Variants in TOP2B observed in about 807,000 individuals in gnomAD.
TOP2B encodes the protein DNA topoisomerase II beta.
TOP2B carries 51 observed loss-of-function variants against 193.5 expected under a neutral mutation model. That is an observed-to-expected ratio of 0.26 (90% CI 0.21 to 0.33). The LOEUF is 0.33. TOP2B is among the 10% of genes least tolerant of loss of function. TOP2B has a pLI of 1.00. For synonymous variants in TOP2B, 634 were observed against 635.7 expected, an observed-to-expected ratio of 1.00 and a Z score of 0.04; for missense variants, 1,378 against 1,909.3, an observed-to-expected ratio of 0.72 and a Z score of 5.19.
chr3:25,643,647 T>G (rs763615531), intron 3 of TOP2B, 47 bp downstream of exon 3: 2 of 1,386,014 alleles, frequency 1.4e-6, no homozygotes, highest in East Asian at 2.3e-5. Flanking sequence ...AAGGACACTA[T>G]GATGATATTA....
intron 5 of TOP2B, among the ~76,000 whole-genome samples, chr3:25,637,648 A>G (rs745821930): frequency 2.6e-4 from 40 of 152,116 alleles, no homozygotes; most frequent in Non-Finnish European, 5.0e-4. Context: ...TCTCTATTAC[A>G]AAATTTTAAT....
chr3:25,640,254 A>G (rs1285142718), intron 4 of TOP2B, among the ~76,000 whole-genome samples: 1 of 152,202 alleles, frequency 6.6e-6, no homozygotes, highest in East Asian at 1.9e-4. Context: ...TACAATATAC[A>G]AATCAGCAAC....
At chr3:25,611,476 A>G (rs1702368143) in intron 28 of TOP2B, among the ~76,000 whole-genome samples, 1 of 152,190 alleles carries the variant, frequency 6.6e-6, no homozygotes, top group African/African-American at 2.4e-5. Context: ...TCATTTTCCA[A>G]GCTCTAGTAA....
chr3:25,621,806 C>G (rs1401630543), intron 21 of TOP2B, among the ~76,000 whole-genome samples: 2 of 151,906 alleles, frequency 1.3e-5, no homozygotes, highest in Non-Finnish European at 2.9e-5. Flanking sequence ...CTGGCCAACA[C>G]AGTGAAACCC....
intron 23 of TOP2B, 95 bp from the exon 24 acceptor site, chr3:25,618,944 T>G: frequency 5.4e-6 from 5 of 931,006 alleles, no homozygotes; most frequent in Non-Finnish European, 7.7e-6. Flanking sequence ...CCATAATATA[T>G]AACCATAATG....
chr3:25,645,926 A>ATTT (rs756446533), intron 1 of TOP2B, among the ~76,000 whole-genome samples: 3,317 of 140,464 alleles, frequency 0.024, 106 homozygotes, highest in African/African-American at 0.08. Context: ...TGCCCAGGTA[A>ATTT]TTTTTTTTTT....
intron 33 of TOP2B, among the ~76,000 whole-genome samples, chr3:25,602,451 T>C (rs1397362058): frequency 6.8e-6 from 1 of 146,198 alleles, no homozygotes; most frequent in Non-Finnish European, 1.5e-5. Flanking sequence ...TTTTTGTAAT[T>C]AAGAAAACCT....
chr3:25,650,757 G>C (rs907811602), intron 1 of TOP2B, among the ~76,000 whole-genome samples: 1 of 152,146 alleles, frequency 6.6e-6, no homozygotes, highest in African/African-American at 2.4e-5. Context: ...TGCTGCTGCA[G>C]GCTTCATCTT....
Position 25,627,282 on chromosome 3 carries a change from T to A in TOP2B, c.1921A>T (p.Thr641Ser). 1 of 1,599,350 alleles carries A rather than the reference T, an allele frequency of 6.3e-7. No homozygotes were observed. The highest frequency in any genetic ancestry group is 8.5e-7 in the Non-Finnish European group (1 of 1,173,566). ...IKYYKGLGTS[T>S]AKEAKEYFAD... ...AAATATTCCTTTGCTTCTTTAGCTG[T>A]ACTAGTACCCAATCCTGCACAATTT... is the stretch of plus-strand genomic sequence containing the variant. Residue 641 changes from threonine to serine, a missense_variant, in exon 16 of 36, where the codon ACA becomes TCA. Physicochemically the swap from Thr to Ser is moderately conservative, Grantham distance 58. This residue lies in a region of TOP2B where 379 missense variants were observed against 615.1 expected (regional missense o/e 0.62). Transcript: ENST00000264331.
chr3:25,657,593 GATGT>G (rs1198619590), intron 1 of TOP2B, among the ~76,000 whole-genome samples: 1 of 152,172 alleles, frequency 6.6e-6, no homozygotes, highest in Non-Finnish European at 1.5e-5. Flanking sequence ...AAAAGAGAGT[GATGT>G]ATATCTGACA....
At chr3:25,617,425 C>G (rs1374897064) in intron 25 of TOP2B, among the ~76,000 whole-genome samples, 2 of 152,052 alleles carry the variant, frequency 1.3e-5, no homozygotes, top group Non-Finnish European at 1.5e-5. Context: ...TATGTAATTG[C>G]TATTCTATAT....
At chr3:25,605,471 G>C (rs1022425314) in intron 32 of TOP2B, among the ~76,000 whole-genome samples, 14 of 152,056 alleles carry the variant, frequency 9.2e-5, no homozygotes, top group Non-Finnish European at 2.1e-4. Flanking sequence ...TGTCAAAAAT[G>C]AGTACGTATA....
In TOP2B at chr3:25,620,718, T is replaced by C. The variant is rs1388486130; in HGVS notation, c.2826A>G (p.Val942=). 5.0e-6 allele frequency: 8 copies of C among 1,613,066 alleles called. No homozygotes were observed. Among genetic ancestry groups the C allele is most frequent in the South Asian group, 4.4e-5 (4 of 90,874 alleles). Reference sequence around the variant, plus strand: ...TTCTAACTGGAAGCTCTGTAATTTCTACTGTGTTTCTGTCCACTACAAATA... The same window carrying C: ...TTCTAACTGGAAGCTCTGTAATTTCCACTGTGTTTCTGTCCACTACAAATA... The part of the protein sequence containing the change: ...GEIFVVDRNT[V]EITELPVRTW... Residue 942 remains valine (V), a synonymous_variant, in exon 22 of 36, where the codon GTA becomes GTG. Coordinates refer to ENST00000264331, the MANE Select transcript of TOP2B (RefSeq NM_001330700.2).
chr3:25,602,012 A>T (rs17016872), intron 33 of TOP2B, among the ~76,000 whole-genome samples: 2,657 of 152,284 alleles, frequency 0.017, 72 homozygotes, highest in African/African-American at 0.06. Flanking sequence ...AAAATCCTAG[A>T]TAAGTAGACA....
chr3:25,622,066 T>C (rs1702670838), intron 21 of TOP2B, among the ~76,000 whole-genome samples: 1 of 152,046 alleles, frequency 6.6e-6, no homozygotes, highest in Non-Finnish European at 1.5e-5. Flanking sequence ...CAACTATCAA[T>C]ATCGTTTGTC....
Position 25,630,400 on chromosome 3 carries a change from G to C in TOP2B, c.1475C>G (p.Ser492Cys). The stretch of plus-strand genomic sequence containing the variant: ...GTCTCGTCCAATCACACCTAATCCA[G>C]ACACAGCCAGTGATTTGGCAGAGTC... ...EGDSAKSLAV[S>C]GLGVIGRDRY... Residue 492 changes from serine (S) to cysteine (C), a missense_variant, in exon 12 of 36, where the codon TCT becomes TGT. By Grantham distance (112) the Ser-to-Cys change is moderately radical (BLOSUM62 -1). Coordinates refer to ENST00000264331, the MANE Select transcript of TOP2B (RefSeq NM_001330700.2). 6.4e-7 allele frequency: 1 copy of C among 1,551,974 alleles called. No individual in the cohort carries two copies. The highest frequency in any genetic ancestry group is 8.7e-7 in the Non-Finnish European group (1 of 1,147,024).
intron 1 of TOP2B, among the ~76,000 whole-genome samples, chr3:25,659,856 A>T (rs1431258494): frequency 1.3e-5 from 2 of 152,208 alleles, no homozygotes; most frequent in African/African-American, 4.8e-5. Flanking sequence ...TGTTAAGAAC[A>T]CTGAGTCTGG....
intron 1 of TOP2B, among the ~76,000 whole-genome samples, chr3:25,648,044 A>G (rs1703461166): frequency 6.6e-6 from 1 of 152,188 alleles, no homozygotes; most frequent in African/African-American, 2.4e-5. Context: ...CAAGACAACA[A>G]CAACTTCCAC....
intron 6 of TOP2B, among the ~76,000 whole-genome samples, chr3:25,636,359 C>T (rs938398626): frequency 5.9e-5 from 9 of 151,892 alleles, no homozygotes; most frequent in African/African-American, 1.7e-4. Context: ...TTTGCAGATT[C>T]GACCAACTGC....
Sources: gnomAD v4.1 joint callset for allele counts (sites outside exome capture counted in the v4.1 genomes callset) on GRCh38, gnomAD v4.1.1 for gene constraint, gnomAD v4.1.1 regional missense constraint, MANE v1.5 for transcripts, NCBI Gene and HGNC (gene_info 2026-07-23, HGNC 2026-07-21) for gene names.